Variants in PTN observed in about 807,000 individuals in gnomAD.
The protein encoded by PTN is heparin affin regulatory protein.
PTN carries 18 observed loss-of-function variants against 24.1 expected under a neutral mutation model. That is an observed-to-expected ratio of 0.75 (90% CI 0.52 to 1.11). The LOEUF is 1.11. Ranked by LOEUF, PTN falls within the 50% of genes least tolerant of loss-of-function variation. The probability of loss-of-function intolerance (pLI) is 0.00; values close to 1 mark genes in which losing one functional copy is unlikely to be tolerated. For synonymous variants in PTN, 78 were observed against 68.6 expected, an observed-to-expected ratio of 1.14 and a Z score of -0.67; for missense variants, 163 against 198.8, an observed-to-expected ratio of 0.82 and a Z score of 1.08.
At chr7:137,245,303 A>G (rs539595437) in intron 4 of PTN, among the ~76,000 whole-genome samples, 1 of 152,356 alleles carries the variant, frequency 6.6e-6, no homozygotes, top group South Asian at 2.1e-4. Context: ...TAATACAGTT[A>G]CGCACCACAT....
chr7:137,238,371 A>G (rs1356073036), intron 4 of PTN, among the ~76,000 whole-genome samples: 5 of 152,158 alleles, frequency 3.3e-5, no homozygotes, highest in African/African-American at 1.2e-4. Flanking sequence ...CTCTCAAGGA[A>G]CATAGCTGCT....
At chr7:137,263,015 T>G (rs1809070624) in intron 1 of PTN, among the ~76,000 whole-genome samples, 1 of 152,150 alleles carries the variant, frequency 6.6e-6, no homozygotes, top group African/African-American at 2.4e-5. Context: ...CCTTCGAGAC[T>G]CTCACTTTTT....
At chr7:137,286,279 AC>A (rs1809552489) in intron 1 of PTN, among the ~76,000 whole-genome samples, 2 of 152,180 alleles carry the variant, frequency 1.3e-5, no homozygotes, top group Admixed American at 1.3e-4. Flanking sequence ...ATAAGACTAT[AC>A]CTACAAGGTT....
chr7:137,325,062 G>A (rs1810236459), intron 1 of PTN, among the ~76,000 whole-genome samples: 1 of 152,136 alleles, frequency 6.6e-6, no homozygotes, highest in East Asian at 1.9e-4. Flanking sequence ...ATAAGGCAGA[G>A]CTTCAGTGAA....
At chr7:137,335,178 A>C (rs989961481) in intron 1 of PTN, among the ~76,000 whole-genome samples, 7 of 151,918 alleles carry the variant, frequency 4.6e-5, no homozygotes, top group Non-Finnish European at 1.0e-4. Context: ...ATGTACCCTA[A>C]AACTTAAAGT....
chr7:137,267,617 T>G (rs1036572901), intron 1 of PTN, among the ~76,000 whole-genome samples: 1 of 152,130 alleles, frequency 6.6e-6, no homozygotes, highest in African/African-American at 2.4e-5. Flanking sequence ...CTTAAATTCT[T>G]TCTTGAAATT....
chr7:137,246,079 T>A (rs1400928544), intron 4 of PTN, among the ~76,000 whole-genome samples: 1 of 152,210 alleles, frequency 6.6e-6, no homozygotes, highest in Non-Finnish European at 1.5e-5. Context: ...ACTAATGTCC[T>A]ATGCCTTCAC....
intron 1 of PTN, among the ~76,000 whole-genome samples, chr7:137,283,086 A>C (rs2128876271): frequency 6.6e-6 from 1 of 152,276 alleles, no homozygotes; most frequent in African/African-American, 2.4e-5. Context: ...CACTCCACAA[A>C]TGATGTAAAA....
At chr7:137,237,170 T>C (rs1013294057) in intron 4 of PTN, among the ~76,000 whole-genome samples, 6 of 152,146 alleles carry the variant, frequency 3.9e-5, no homozygotes, top group Non-Finnish European at 7.4e-5. Context: ...TAAATTAAAA[T>C]GAGGGCATTC....
intron 1 of PTN, among the ~76,000 whole-genome samples, chr7:137,328,468 C>A (rs971862131): frequency 1.3e-5 from 2 of 152,186 alleles, no homozygotes; most frequent in Admixed American, 1.3e-4. Context: ...TGAATGCTTT[C>A]CAATGGGAAA....
At chr7:137,233,889 AACACAC>A (rs113401589) in intron 4 of PTN, among the ~76,000 whole-genome samples, 4 of 147,560 alleles carry the variant, frequency 2.7e-5, no homozygotes, top group Non-Finnish European at 6.0e-5. Flanking sequence ...AAACCAAAGA[AACACAC>A]ACACACACAC....
chr7:137,306,944 T>C lies in PTN; in HGVS notation c.-2+36495A>G, dbSNP rs115088044. Among the ~76,000 whole-genome samples the C allele has an allele frequency of 3.8e-3, 580 of 152,122 alleles. 4 individuals carry two copies. Among genetic ancestry groups the C allele is most frequent in the African/African-American group, 0.013 (534 of 41,528 alleles). On this transcript the variant is annotated intron_variant, in intron 1 of 4. Coordinates refer to ENST00000348225, the MANE Select transcript of PTN (RefSeq NM_002825.7). ...TTCCCTGGCACACAATCTCGGGTGGTTACTTCACCTGCCAGTGCCTCGCAT... is the reference window on the plus strand; with the variant it reads ...TTCCCTGGCACACAATCTCGGGTGGCTACTTCACCTGCCAGTGCCTCGCAT...
chr7:137,279,279 T>C (rs1809426115), intron 1 of PTN, among the ~76,000 whole-genome samples: 1 of 152,206 alleles, frequency 6.6e-6, no homozygotes, highest in African/African-American at 2.4e-5. Flanking sequence ...ATTTTGCCAC[T>C]TTAATACAAT....
At chr7:137,277,983 T>G (rs1015961659) in intron 1 of PTN, among the ~76,000 whole-genome samples, 35 of 152,228 alleles carry the variant, frequency 2.3e-4, no homozygotes, top group African/African-American at 7.2e-4. Flanking sequence ...TGATCTAAAC[T>G]AAAATGTTAA....
At chr7:137,328,242 T>C (rs1810294159) in intron 1 of PTN, among the ~76,000 whole-genome samples, 2 of 152,174 alleles carry the variant, frequency 1.3e-5, no homozygotes. Flanking sequence ...TCCTTCATGC[T>C]TTGCAGCTTT....
chr7:137,315,115 G>A (rs1432224681), intron 1 of PTN, among the ~76,000 whole-genome samples: 1 of 152,130 alleles, frequency 6.6e-6, no homozygotes, highest in Non-Finnish European at 1.5e-5. Context: ...CTGTGTTCTC[G>A]GGCTTGACGG....
At chr7:137,309,816 G>C (rs1698096248) in intron 1 of PTN, among the ~76,000 whole-genome samples, 1 of 152,138 alleles carries the variant, frequency 6.6e-6, no homozygotes, top group Non-Finnish European at 1.5e-5. Context: ...ATTGCTTCCT[G>C]CACTGAAGTC....
intron 1 of PTN, among the ~76,000 whole-genome samples, chr7:137,270,783 T>C (rs1809260254): frequency 6.6e-6 from 1 of 152,140 alleles, no homozygotes; most frequent in Non-Finnish European, 1.5e-5. Flanking sequence ...TAATTTCTGA[T>C]TGTGGAAAAT....
intron 1 of PTN, among the ~76,000 whole-genome samples, chr7:137,290,093 G>A (rs987546599): frequency 5.9e-5 from 9 of 152,134 alleles, no homozygotes; most frequent in Non-Finnish European, 1.0e-4. Flanking sequence ...AGCAAGTCAC[G>A]TCTTACATGG....
Sources: allele counts gnomAD v4.1 joint callset (sites outside exome capture counted in the v4.1 genomes callset), GRCh38; gene constraint gnomAD v4.1.1; transcripts MANE v1.5; gene names NCBI Gene and HGNC (gene_info 2026-07-23, HGNC 2026-07-21).